ITFG2: variants seen among roughly 807,000 people sequenced by gnomAD.
The protein encoded by ITFG2 is integrin alpha FG-GAP repeat containing 2.
A neutral mutation model predicts 54.4 loss-of-function variants in ITFG2; 36 were observed. The observed-to-expected ratio is 0.66, with a 90% CI of 0.51 to 0.87. The LOEUF (loss-of-function observed/expected upper bound fraction) is 0.87. Among genes scored for constraint, ITFG2 ranks in the 40% least tolerant of loss-of-function variants. The pLI is 0.00. For missense variants in ITFG2, 524 were observed against 576.7 expected, an observed-to-expected ratio of 0.91 and a Z score of 0.94; for synonymous variants, 211 against 225.4, an observed-to-expected ratio of 0.94 and a Z score of 0.57.
downstream of ITFG2, among the ~76,000 whole-genome samples, chr12:2,831,547 G>C (rs992366216): frequency 1.6e-4 from 25 of 151,600 alleles, no homozygotes; most frequent in Admixed American, 9.2e-4. Flanking sequence ...TCACACCACT[G>C]CACTCCAGTC....
chr12:2,837,092 G>A (rs1259697022), intron 1 of ITFG2: 2 of 152,288 alleles, frequency 1.3e-5, no homozygotes, highest in African/African-American at 4.8e-5. Context: ...AGCACTTTGG[G>A]AGGCTGAGGC....
At chr12:2,849,578 G>C (rs2153928200) in intron 2 of ITFG2, 1 of 1,527,322 alleles carries the variant, frequency 6.5e-7, no homozygotes. Flanking sequence ...GAGATCCAGG[G>C]ACAGTGGAGA....
In ITFG2 at chr12:2,815,797, C is replaced by T. The variant is rs2097919969; in HGVS notation, c.97-1426C>T. On this transcript the variant is annotated intron_variant, in intron 1 of 11. Coordinates refer to ENST00000228799, the MANE Select transcript of ITFG2 (RefSeq NM_018463.4). Reference sequence around the variant, plus strand: ...TCAATTCCTGTAACCTCTCCTGCCCCCTAACACACACACCCCTAAATGGAA... The same window carrying T: ...TCAATTCCTGTAACCTCTCCTGCCCTCTAACACACACACCCCTAAATGGAA... Among the ~76,000 whole-genome samples, 3 of 152,168 alleles carry T rather than the reference C, an allele frequency of 2.0e-5. No individual in the cohort carries two copies. The South Asian group carries it at 6.2e-4, about 32-fold the overall frequency.
upstream of ITFG2, chr12:2,835,682 A>G (rs1410707106): frequency 1.3e-5 from 2 of 152,206 alleles, no homozygotes; most frequent in Non-Finnish European, 2.9e-5. Flanking sequence ...TTTCAAATAT[A>G]CAGAAGTTAT....
chr12:2,826,522 A>G (rs2097967808), downstream of ITFG2: 1 of 152,140 alleles, frequency 6.6e-6, no homozygotes, highest in African/African-American at 2.4e-5. Flanking sequence ...TATAGCGTTA[A>G]TAGCAGAAGT....
At chr12:2,850,289 C>A (rs1418924133) in intron 2 of ITFG2, among the ~76,000 whole-genome samples, 1 of 152,018 alleles carries the variant, frequency 6.6e-6, no homozygotes, top group Non-Finnish European at 1.5e-5. Context: ...GCCTGGCCGA[C>A]ATGATGAAAC....
intron 2 of ITFG2, chr12:2,857,249 G>GT (rs2098090353): frequency 5.2e-6 from 3 of 576,102 alleles, no homozygotes; most frequent in African/African-American, 1.9e-5. Context: ...GCAAAAAACT[G>GT]TAACAGGAGC....
At chr12:2,854,125 A>T (rs2153929422) in intron 2 of ITFG2, among the ~76,000 whole-genome samples, 1 of 152,324 alleles carries the variant, frequency 6.6e-6, no homozygotes, top group East Asian at 1.9e-4. Flanking sequence ...TCCCAGGTTC[A>T]AGTGATTCTC....
intron 3 of ITFG2, chr12:2,858,453 T>C (rs1340340124): frequency 3.4e-6 from 2 of 582,104 alleles, no homozygotes; most frequent in African/African-American, 1.9e-5. Context: ...TCAGATACTC[T>C]TGGGGAACAC....
upstream of ITFG2, chr12:2,834,657 G>A (rs2098019280): frequency 1.9e-6 from 3 of 1,600,600 alleles, no homozygotes; most frequent in Non-Finnish European, 2.6e-6. Context: ...CCTTGGAGGT[G>A]CCGAGCCTCT....
intron 2 of ITFG2, among the ~76,000 whole-genome samples, chr12:2,846,555 C>T (rs542473634): frequency 1.6e-4 from 25 of 152,164 alleles, no homozygotes; most frequent in African/African-American, 6.0e-4. Flanking sequence ...TCACTTTGCC[C>T]ATCTGAAGTC....
intron 1 of ITFG2, among the ~76,000 whole-genome samples, chr12:2,839,222 C>G (rs1343538811): frequency 1.3e-5 from 2 of 152,196 alleles, no homozygotes; most frequent in African/African-American, 2.4e-5. Context: ...ACCTGAAAGG[C>G]AGAGGTTACA....
chr12:2,821,150 G>T, intron 6 of ITFG2, 112 bp from the exon 7 acceptor site: 1 of 897,262 alleles, frequency 1.1e-6, no homozygotes. Context: ...TCAGTGGTAG[G>T]TTTCTAAGCT....
At chr12:2,837,162 T>A (rs1281070916) in intron 1 of ITFG2, among the ~76,000 whole-genome samples, 1 of 151,650 alleles carries the variant, frequency 6.6e-6, no homozygotes, top group Non-Finnish European at 1.5e-5. Flanking sequence ...TGAAACGCTG[T>A]CTCCACTAAA....
upstream of ITFG2, among the ~76,000 whole-genome samples, chr12:2,832,249 A>AC (rs1319363878): frequency 2.6e-5 from 4 of 151,376 alleles, no homozygotes; most frequent in South Asian, 6.3e-4. Context: ...TGCATCAAAG[A>AC]CCCCCCACCC....
intron 2 of ITFG2, among the ~76,000 whole-genome samples, chr12:2,856,773 G>C (rs1565455234): frequency 6.6e-6 from 1 of 152,194 alleles, no homozygotes; most frequent in Non-Finnish European, 1.5e-5. Flanking sequence ...GCACTAGCCA[G>C]GCATCTCCTC....
intron 2 of ITFG2, among the ~76,000 whole-genome samples, chr12:2,856,473 C>G (rs2098087697): frequency 6.6e-6 from 1 of 152,192 alleles, no homozygotes; most frequent in African/African-American, 2.4e-5. Context: ...TCAAGTGATT[C>G]TCCTGCCTCA....
Position 2,844,420 on chromosome 12 carries a change from G to A in ITFG2, n.300+3425G>A, listed in dbSNP as rs950770219. Among the ~76,000 whole-genome samples the A allele has an allele frequency of 4.6e-5, 7 of 152,086 alleles. No homozygotes were observed. In the South Asian group the frequency reaches 6.2e-4, roughly 14 times the overall value. On this transcript the variant is annotated intron_variant and non_coding_transcript_variant, in intron 2 of 3. Transcript: ENST00000537710. ...AATACAAAAATTAGCTGAGCATAGC[G>A]GTGTGCGCTTGTAATCCCAGCTACT...
At chr12:2,820,648 A>ACCCCCCC in intron 5 of ITFG2, 76 bp from the exon 6 acceptor site, 1 of 187,282 alleles carries the variant, frequency 5.3e-6, no homozygotes, top group Non-Finnish European at 1.1e-5. Context: ...CCGCCCACCC[A>ACCCCCCC]CCGCCCCCTG....
Sources: gnomAD v4.1 joint callset for allele counts (sites outside exome capture counted in the v4.1 genomes callset) on GRCh38, gnomAD v4.1.1 for gene constraint, MANE v1.5 for transcripts, NCBI Gene and HGNC (gene_info 2026-07-23, HGNC 2026-07-21) for gene names.